ATP6V1E2: variants seen among roughly 807,000 people sequenced by gnomAD.
ATP6V1E2 encodes V-type proton ATPase subunit E 2.
For missense variants in ATP6V1E2, 308 were observed against 273.3 expected (o/e 1.13, Z -0.90); for synonymous variants, 121 against 104.2 (o/e 1.16, Z -0.98).
chr2:46,540,459 A>G (rs1438053313), intron 2 of ATP6V1E2, among the ~76,000 whole-genome samples: 1 of 143,070 alleles, frequency 7.0e-6, no homozygotes, highest in Non-Finnish European at 1.5e-5. Context: ...AAGAAAGAAA[A>G]AGAAAAAGAA....
intron 2 of ATP6V1E2, among the ~76,000 whole-genome samples, chr2:46,540,251 G>A (rs971504962): frequency 4.0e-5 from 6 of 151,686 alleles, no homozygotes; most frequent in African/African-American, 9.7e-5. Context: ...GCGAAACCCC[G>A]CTCTGCAAAA....
intron 4 of ATP6V1E2, among the ~76,000 whole-genome samples, chr2:46,533,168 T>C (rs1382651878): frequency 1.3e-5 from 2 of 150,290 alleles, no homozygotes; most frequent in African/African-American, 2.4e-5. Context: ...ACATTATATA[T>C]AATGTTATAT....
At chr2:46,521,461 G>A (rs78283707) in intron 4 of ATP6V1E2, among the ~76,000 whole-genome samples, 1 of 152,168 alleles carries the variant, frequency 6.6e-6, no homozygotes, top group Non-Finnish European at 1.5e-5. Context: ...CTGGGTGTGT[G>A]CTTCCTACCC....
chr2:46,515,958 T>TTC (rs1687694550), intron 4 of ATP6V1E2, among the ~76,000 whole-genome samples: 1 of 151,868 alleles, frequency 6.6e-6, no homozygotes, highest in African/African-American at 2.4e-5. Context: ...GATAAAAGAG[T>TTC]CAATTCACCT....
intron 2 of ATP6V1E2, among the ~76,000 whole-genome samples, chr2:46,538,477 A>G (rs777687395): frequency 1.4e-4 from 21 of 150,038 alleles, no homozygotes; most frequent in Non-Finnish European, 3.0e-4. Context: ...ACAGAAAACT[A>G]ACCCCTACTC....
intron 4 of ATP6V1E2, among the ~76,000 whole-genome samples, chr2:46,527,711 T>C (rs1421297871): frequency 6.6e-6 from 1 of 152,098 alleles, no homozygotes; most frequent in African/African-American, 2.4e-5. Flanking sequence ...ATAATAGCCA[T>C]CCTAATGGAT....
intron 4 of ATP6V1E2, among the ~76,000 whole-genome samples, chr2:46,534,102 T>C (rs552782060): frequency 6.6e-6 from 1 of 152,380 alleles, no homozygotes; most frequent in African/African-American, 2.4e-5. Context: ...CTTGGCGCTA[T>C]ACGTTTACAA....
At chr2:46,517,120 C>G (rs1277098694) in intron 4 of ATP6V1E2, among the ~76,000 whole-genome samples, 1 of 152,142 alleles carries the variant, frequency 6.6e-6, no homozygotes, top group African/African-American at 2.4e-5. Context: ...CAGTATGGTA[C>G]TGGCATAAAG....
chr2:46,521,627 T>A (rs1013547565), intron 4 of ATP6V1E2, among the ~76,000 whole-genome samples: 3 of 152,088 alleles, frequency 2.0e-5, no homozygotes. Context: ...TAATGACTCC[T>A]TTGGGGGATT....
At chr2:46,527,944 C>T (rs1667004430) in intron 4 of ATP6V1E2, 1 of 152,296 alleles carries the variant, frequency 6.6e-6, no homozygotes, top group Non-Finnish European at 1.5e-5. Flanking sequence ...CACTCACCTC[C>T]AGCCACAAGC....
chr2:46,523,050 A>G (rs561509097), intron 4 of ATP6V1E2, among the ~76,000 whole-genome samples: 5 of 151,964 alleles, frequency 3.3e-5, no homozygotes, highest in Admixed American at 2.0e-4. Flanking sequence ...CTTTTGAGAA[A>G]TGTCTGTTCA....
Position 46,511,997 on chromosome 2 carries a change from T to C in ATP6V1E2, c.*34A>G. 1.3e-6 allele frequency: 2 copies of C among 1,525,518 alleles called. No individual in the cohort carries two copies. Among genetic ancestry groups the C allele is most frequent in the Non-Finnish European group, 8.8e-7 (1 of 1,139,158 alleles). The allele number at this position is 1,525,518 out of a possible 1,614,324, so 94.5% of individuals were successfully genotyped here. A position where few individuals can be genotyped will look rare whatever the true frequency, so the allele number is the denominator to read the frequency against. ...CCAAAAAACTTAAACTTTTATGGTT[T>C]AGTGGTTCAACACTAGCTTCACTTC... On this transcript the variant is annotated 3_prime_UTR_variant, in exon 5 of 5. Transcript: ENST00000522587.
At position 46,511,896 on chromosome 2, in the gene ATP6V1E2, C is replaced by T; in HGVS notation, c.*135G>A. Reference sequence around the variant, plus strand: ...TTTCAAAGTTAACACTTTAGCTATCCAAAGGGTATTTCGTGAAGAAAAACA... The same window carrying T: ...TTTCAAAGTTAACACTTTAGCTATCTAAAGGGTATTTCGTGAAGAAAAACA... On this transcript the variant is annotated 3_prime_UTR_variant, in exon 5 of 5. Transcript: ENST00000522587. 1.3e-6 allele frequency: 1 copy of T among 774,274 alleles called. No homozygotes were observed. Among genetic ancestry groups the T allele is most frequent in the Non-Finnish European group, 1.9e-6 (1 of 512,894 alleles). The allele number at this position is 774,274 out of a possible 1,614,324, so 48.0% of individuals were successfully genotyped here.
Position 46,512,340 on chromosome 2 carries a change from C to T in ATP6V1E2, c.372G>A (p.Leu124=). Residue 124 remains leucine (L), a synonymous_variant, in exon 5 of 5, where the codon CTG becomes CTA. Transcript: ENST00000522587. The stretch of plus-strand genomic sequence containing the variant: ...TCATCACAGGTTCCAGCAGTCGGAG[C>T]AGACCCTGGAGCACCAGTTTATCCA... ...GLLDKLVLQG[L]LRLLEPVMIV... 1 of 1,613,710 alleles carries T rather than the reference C, an allele frequency of 6.2e-7. No homozygotes were observed. The highest frequency in any genetic ancestry group is 1.1e-5 in the South Asian group (1 of 91,002).
At chr2:46,523,205 A>C (rs1666728282) in intron 4 of ATP6V1E2, among the ~76,000 whole-genome samples, 1 of 152,060 alleles carries the variant, frequency 6.6e-6, no homozygotes, top group South Asian at 2.1e-4. Context: ...CTCTGATGAT[A>C]GTTTCTTTTG....
chr2:46,515,002 A>G (rs559640375), intron 4 of ATP6V1E2, among the ~76,000 whole-genome samples: 1 of 152,156 alleles, frequency 6.6e-6, no homozygotes, highest in East Asian at 1.9e-4. Context: ...TGAAAAAAAA[A>G]CCCTGCTAAT....
chr2:46,540,789 A>C (rs1667716100), intron 2 of ATP6V1E2, among the ~76,000 whole-genome samples: 1 of 152,038 alleles, frequency 6.6e-6, no homozygotes, highest in African/African-American at 2.4e-5. Flanking sequence ...AAGTGGGATC[A>C]GCTCCAGAGC....
chr2:46,519,614 G>C (rs1666501514), intron 4 of ATP6V1E2: 1 of 152,258 alleles, frequency 6.6e-6, no homozygotes, highest in Non-Finnish European at 1.5e-5. Context: ...TGGCAAAGCA[G>C]TATACCCCTC....
intron 4 of ATP6V1E2, among the ~76,000 whole-genome samples, chr2:46,523,348 C>T (rs1666734582): frequency 6.6e-6 from 1 of 152,022 alleles, no homozygotes; most frequent in African/African-American, 2.4e-5. Flanking sequence ...AGGTTTTCTT[C>T]TAGGGTTTTT....
Sources: gnomAD v4.1 joint callset for allele counts (sites outside exome capture counted in the v4.1 genomes callset) on GRCh38, gnomAD v4.1.1 for gene constraint, MANE v1.5 for transcripts, NCBI Gene and HGNC (gene_info 2026-07-23, HGNC 2026-07-21) for gene names.